Variants in UBE2E2 observed in about 807,000 individuals in gnomAD.
UBE2E2 encodes the protein ubiquitin-conjugating enzyme E2 E2.
Under a neutral mutation model 24.7 loss-of-function variants are expected in UBE2E2, and 6 were observed. The ratio of observed to expected loss-of-function variants is 0.24; its 90% CI spans 0.13 to 0.48. The LOEUF (loss-of-function observed/expected upper bound fraction) is 0.48. Among genes scored for constraint, UBE2E2 ranks in the 20% least tolerant of loss-of-function variants. The pLI is 0.99. For synonymous variants in UBE2E2, 104 were observed against 83.6 expected (o/e 1.24, Z -1.33); for missense variants, 169 against 245.0 (o/e 0.69, Z 2.07).
At chr3:23,577,410 C>T (rs1696369460) in intron 5 of UBE2E2, among the ~76,000 whole-genome samples, 1 of 151,756 alleles carries the variant, frequency 6.6e-6, no homozygotes, top group Admixed American at 6.6e-5. Flanking sequence ...AGCTACAACA[C>T]TCCCTTAAGC....
chr3:23,362,576 T>G (rs1432886171), intron 3 of UBE2E2, among the ~76,000 whole-genome samples: 2 of 152,136 alleles, frequency 1.3e-5, no homozygotes, highest in Non-Finnish European at 2.9e-5. Flanking sequence ...ACAGAGGTCC[T>G]GGCTTGCTAT....
intron 5 of UBE2E2, among the ~76,000 whole-genome samples, chr3:23,568,696 CATATATATATACATGT>C (rs1559424935): frequency 1.9e-4 from 22 of 118,520 alleles, no homozygotes; most frequent in Non-Finnish European, 3.3e-4. Context: ...TATATACACA[CATATATATATACATGT>C]ATATACACAT....
At chr3:23,270,903 T>C (rs1402828787) in intron 3 of UBE2E2, 1 of 456,272 alleles carries the variant, frequency 2.2e-6, no homozygotes, top group Middle Eastern at 3.3e-4. Context: ...TGTCTAACAT[T>C]TATGAAATCC....
chr3:23,487,841 G>A (rs550525025), intron 3 of UBE2E2, among the ~76,000 whole-genome samples: 2 of 152,242 alleles, frequency 1.3e-5, no homozygotes, highest in East Asian at 1.9e-4. Flanking sequence ...TTTATTAAGT[G>A]TCTCTGTGTG....
chr3:23,399,055 A>G (rs1298448560), intron 3 of UBE2E2, among the ~76,000 whole-genome samples: 2 of 152,128 alleles, frequency 1.3e-5, no homozygotes, highest in African/African-American at 4.8e-5. Context: ...CACATTTCTC[A>G]TGTCTTCCAC....
chr3:23,369,235 A>T (rs537314125), intron 3 of UBE2E2, among the ~76,000 whole-genome samples: 1 of 152,328 alleles, frequency 6.6e-6, no homozygotes, highest in African/African-American at 2.4e-5. Flanking sequence ...TTAGCCTGTT[A>T]GGCACACACA....
chr3:23,300,901 C>T lies in UBE2E2; in HGVS notation c.227+83589C>T, dbSNP rs146601530. On this transcript the variant is annotated intron_variant, in intron 3 of 5. Coordinates refer to ENST00000396703, the MANE Select transcript of UBE2E2 (RefSeq NM_152653.4). ...TGTTTTCCCACTTGGTTCCATTCTC[C>T]CCGTCACTTTCAGGTACACCAATCA... Among the ~76,000 whole-genome samples the T allele has an allele frequency of 4.1e-3, 626 of 152,292 alleles. 5 individuals carry two copies. Among genetic ancestry groups the T allele is most frequent in the African/African-American group, 0.014 (564 of 41,550 alleles).
At chr3:23,364,724 A>G (rs977597742) in intron 3 of UBE2E2, among the ~76,000 whole-genome samples, 3 of 152,192 alleles carry the variant, frequency 2.0e-5, no homozygotes, top group African/African-American at 7.2e-5. Flanking sequence ...TCCTACTGAA[A>G]CTGCTCCTAC....
chr3:23,444,256 C>T (rs1698376225), intron 3 of UBE2E2, among the ~76,000 whole-genome samples: 1 of 152,078 alleles, frequency 6.6e-6, no homozygotes, highest in Non-Finnish European at 1.5e-5. Context: ...AAGTTCTGGA[C>T]ATATTTCTTC....
At chr3:23,461,712 C>G (rs962188265) in intron 3 of UBE2E2, among the ~76,000 whole-genome samples, 3 of 152,026 alleles carry the variant, frequency 2.0e-5, no homozygotes, top group Non-Finnish European at 1.5e-5. Context: ...CATAAGGTCT[C>G]TAAGACAGAT....
At chr3:23,435,080 C>G (rs1336569187) in intron 3 of UBE2E2, among the ~76,000 whole-genome samples, 1 of 152,154 alleles carries the variant, frequency 6.6e-6, no homozygotes, top group Non-Finnish European at 1.5e-5. Flanking sequence ...TAAGTGATGT[C>G]TAGTAAATAA....
intron 3 of UBE2E2, among the ~76,000 whole-genome samples, chr3:23,295,196 T>C (rs879432886): frequency 2.0e-5 from 3 of 152,216 alleles, no homozygotes; most frequent in Non-Finnish European, 4.4e-5. Flanking sequence ...TCATGCTAAA[T>C]TCTAGTGTCC....
chr3:23,427,169 C>G (rs1045582140), intron 3 of UBE2E2, among the ~76,000 whole-genome samples: 1 of 151,364 alleles, frequency 6.6e-6, no homozygotes, highest in South Asian at 2.1e-4. Context: ...GCCTGTAATT[C>G]CAGCACTTTG....
At position 23,495,486 on chromosome 3, in the gene UBE2E2, T is replaced by C. The variant is rs1447396735; in HGVS notation, c.228-4122T>C. ...CCCAGAGAAATCGTAGCTTGGTATTTACTAAATGTGTTTGTGTATGTTATT... is the reference window on the plus strand; with the variant it reads ...CCCAGAGAAATCGTAGCTTGGTATTCACTAAATGTGTTTGTGTATGTTATT... On this transcript the variant is annotated intron_variant, in intron 3 of 5. Coordinates refer to ENST00000396703, the MANE Select transcript of UBE2E2 (RefSeq NM_152653.4). 7.9e-5 allele frequency among the ~76,000 whole-genome samples: 12 copies of C among 152,350 alleles called. No homozygotes were observed. The East Asian group carries it at 2.3e-3, about 29-fold the overall frequency.
intron 3 of UBE2E2, among the ~76,000 whole-genome samples, chr3:23,361,080 C>T (rs1171374653): frequency 1.3e-5 from 2 of 152,132 alleles, no homozygotes; most frequent in Non-Finnish European, 2.9e-5. Flanking sequence ...TGAAGAAATG[C>T]TCAACATCAC....
chr3:23,417,554 G>A lies in UBE2E2; in HGVS notation c.228-82054G>A, dbSNP rs914141464. Among the ~76,000 whole-genome samples, 7 of 152,300 alleles carry A rather than the reference G, an allele frequency of 4.6e-5. No homozygotes were observed. In the South Asian group the frequency reaches 1.2e-3, roughly 27 times the overall value. On this transcript the variant is annotated intron_variant, in intron 3 of 5. Transcript: ENST00000396703. ...GGGTCAGGGACCCACTTGAGGAGGCGGTCTGTCCCTTAGCAGAGCTCGAGG... is the reference window on the plus strand; with the variant it reads ...GGGTCAGGGACCCACTTGAGGAGGCAGTCTGTCCCTTAGCAGAGCTCGAGG...
intron 3 of UBE2E2, among the ~76,000 whole-genome samples, chr3:23,315,742 C>T (rs999559357): frequency 3.3e-5 from 5 of 152,078 alleles, no homozygotes; most frequent in Admixed American, 1.3e-4. Flanking sequence ...TGTTTGTAAC[C>T]GTCATTTATG....
intron 3 of UBE2E2, among the ~76,000 whole-genome samples, chr3:23,311,670 G>T (rs1007326294): frequency 1.1e-4 from 16 of 152,142 alleles, no homozygotes; most frequent in African/African-American, 3.9e-4. Flanking sequence ...TATACCTTTG[G>T]AAAGGAACTT....
At chr3:23,507,552 G>T (rs974245447) in intron 4 of UBE2E2, among the ~76,000 whole-genome samples, 1 of 152,182 alleles carries the variant, frequency 6.6e-6, no homozygotes, top group Non-Finnish European at 1.5e-5. Context: ...CCCACTTCAT[G>T]GATCAGAAAA....
Sources: gnomAD v4.1 joint callset for allele counts (sites outside exome capture counted in the v4.1 genomes callset) on GRCh38, gnomAD v4.1.1 for gene constraint, MANE v1.5 for transcripts, NCBI Gene and HGNC (gene_info 2026-07-23, HGNC 2026-07-21) for gene names.